LRRC4C: variants seen among roughly 807,000 people sequenced by gnomAD.
LRRC4C encodes leucine rich repeat containing 4C, also known as leucine-rich repeat-containing protein 4C.
Under a neutral mutation model 33.6 loss-of-function variants are expected in LRRC4C, and 5 were observed. The observed-to-expected ratio is 0.15, with a 90% CI of 0.08 to 0.31. The LOEUF (loss-of-function observed/expected upper bound fraction) is 0.31, where lower values mean the gene tolerates loss of function less well. Ranked by LOEUF, LRRC4C falls within the 10% of genes least tolerant of loss-of-function variation. The pLI is 1.00. For synonymous variants in LRRC4C, 329 were observed against 302.0 expected, an observed-to-expected ratio of 1.09 and a Z score of -0.93; for missense variants, 560 against 796.7, an observed-to-expected ratio of 0.70 and a Z score of 3.58.
At chr11:40,562,802 C>T (rs1032198652) in intron 3 of LRRC4C, among the ~76,000 whole-genome samples, 2 of 152,164 alleles carry the variant, frequency 1.3e-5, no homozygotes, top group Non-Finnish European at 2.9e-5. Flanking sequence ...GGTATTAGAA[C>T]CGAACAATTC....
At chr11:40,586,221 C>A (rs530946452) in intron 3 of LRRC4C, among the ~76,000 whole-genome samples, 1 of 152,034 alleles carries the variant, frequency 6.6e-6, no homozygotes. Context: ...TCTCTGATGA[C>A]CAGTGATGAT....
At chr11:40,826,359 A>G (rs1479631185) in intron 2 of LRRC4C, among the ~76,000 whole-genome samples, 1 of 151,954 alleles carries the variant, frequency 6.6e-6, no homozygotes, top group African/African-American at 2.4e-5. Context: ...AAGGATTCCA[A>G]AAAGATTTCA....
chr11:40,341,257 A>AT (rs74426364), intron 3 of LRRC4C, among the ~76,000 whole-genome samples: 6 of 152,022 alleles, frequency 3.9e-5, no homozygotes, highest in East Asian at 1.9e-4. Flanking sequence ...TGAACTCATC[A>AT]TTTTTTTATG....
rs894621080 is a variant in LRRC4C at position 40,867,204 on chromosome 11, T to C, written c.-407+66431A>G. 3.3e-5 allele frequency among the ~76,000 whole-genome samples: 5 copies of C among 152,304 alleles called. No homozygotes were observed. The South Asian group carries it at 8.3e-4, about 25-fold the overall frequency. ...CACCAACACAACCCTGTTTTTGACA[T>C]GTCCTAAGTATTGAATAAATTAGAA... On this transcript the variant is annotated intron_variant, in intron 2 of 6. Coordinates refer to ENST00000528697, the MANE Select transcript of LRRC4C (RefSeq NM_001258419.2).
intron 1 of LRRC4C, among the ~76,000 whole-genome samples, chr11:41,109,147 T>C (rs1271650139): frequency 3.3e-5 from 5 of 152,208 alleles, no homozygotes; most frequent in East Asian, 3.9e-4. Context: ...CCTTTATCCC[T>C]TTCCAATCCC....
chr11:40,380,706 A>G (rs1948830944), intron 3 of LRRC4C, among the ~76,000 whole-genome samples: 2 of 152,356 alleles, frequency 1.3e-5, no homozygotes, highest in East Asian at 1.9e-4. Flanking sequence ...GATTATCACC[A>G]GTGTAAATAT....
At chr11:40,955,254 A>G (rs1394712746) in intron 1 of LRRC4C, among the ~76,000 whole-genome samples, 1 of 151,838 alleles carries the variant, frequency 6.6e-6, no homozygotes, top group Non-Finnish European at 1.5e-5. Flanking sequence ...GTGTACCTAG[A>G]AAATGGTACA....
intron 3 of LRRC4C, among the ~76,000 whole-genome samples, chr11:40,461,261 G>A (rs1952384272): frequency 1.3e-5 from 2 of 152,006 alleles, no homozygotes; most frequent in Admixed American, 1.3e-4. Context: ...AAAGTGTATG[G>A]GCTTTAAACT....
At chr11:40,887,593 T>A (rs1358298219) in intron 2 of LRRC4C, among the ~76,000 whole-genome samples, 2 of 152,186 alleles carry the variant, frequency 1.3e-5, no homozygotes, top group South Asian at 4.1e-4. Context: ...GAGTTGGTTG[T>A]TACCCATAGC....
At chr11:40,838,111 T>A (rs1352252055) in intron 2 of LRRC4C, among the ~76,000 whole-genome samples, 1 of 152,204 alleles carries the variant, frequency 6.6e-6, no homozygotes, top group African/African-American at 2.4e-5. Context: ...ATTTTTAATG[T>A]AACTTTTCTG....
intron 4 of LRRC4C, among the ~76,000 whole-genome samples, chr11:40,313,905 G>A (rs1945450925): frequency 2.0e-5 from 3 of 152,088 alleles, no homozygotes; most frequent in African/African-American, 7.2e-5. Flanking sequence ...GAGCCGCCGC[G>A]CCCGGCCCGT....
intron 5 of LRRC4C, among the ~76,000 whole-genome samples, chr11:40,196,451 C>T (rs772924081): frequency 1.3e-5 from 2 of 152,224 alleles, no homozygotes; most frequent in African/African-American, 4.8e-5. Context: ...CTGCCCATGA[C>T]TTGATTCCCT....
intron 2 of LRRC4C, among the ~76,000 whole-genome samples, chr11:40,672,209 T>C (rs1303511418): frequency 1.3e-5 from 2 of 152,200 alleles, no homozygotes; most frequent in Non-Finnish European, 2.9e-5. Flanking sequence ...GTGTGTTTCA[T>C]AGATGATGCC....
At chr11:40,364,301 A>C (rs1948107833) in intron 3 of LRRC4C, among the ~76,000 whole-genome samples, 1 of 152,160 alleles carries the variant, frequency 6.6e-6, no homozygotes, top group African/African-American at 2.4e-5. Context: ...AAAATTAGGT[A>C]AATGTGTTAA....
At chr11:41,229,066 T>C (rs190174604) in intron 1 of LRRC4C, among the ~76,000 whole-genome samples, 13 of 152,272 alleles carry the variant, frequency 8.5e-5, no homozygotes, top group Admixed American at 8.5e-4. Flanking sequence ...TGAATTTCCA[T>C]TGGGGATTTA....
intron 1 of LRRC4C, among the ~76,000 whole-genome samples, chr11:41,049,178 G>A (rs1475763785): frequency 6.6e-6 from 1 of 152,174 alleles, no homozygotes; most frequent in Non-Finnish European, 1.5e-5. Flanking sequence ...ATAATTGAAA[G>A]GGAGGTGGTT....
intron 1 of LRRC4C, among the ~76,000 whole-genome samples, chr11:41,143,933 T>C (rs780627756): frequency 6.6e-5 from 10 of 152,174 alleles, no homozygotes; most frequent in Admixed American, 2.6e-4. Flanking sequence ...GTCAAAAGAA[T>C]TAGTAAATTG....
chr11:40,510,670 C>T (rs1020802323), intron 3 of LRRC4C, among the ~76,000 whole-genome samples: 89 of 152,212 alleles, frequency 5.8e-4, no homozygotes, highest in African/African-American at 1.9e-3. Context: ...CTCAAATAAG[C>T]CTAAATAGCA....
intron 2 of LRRC4C, among the ~76,000 whole-genome samples, chr11:40,763,785 G>A (rs1439433855): frequency 2.6e-5 from 4 of 152,172 alleles, no homozygotes; most frequent in African/African-American, 7.2e-5. Flanking sequence ...CCAGAGACAA[G>A]TTGTCCATTT....
Sources: gnomAD v4.1 joint callset for allele counts (sites outside exome capture counted in the v4.1 genomes callset) on GRCh38, gnomAD v4.1.1 for gene constraint, MANE v1.5 for transcripts, NCBI Gene and HGNC (gene_info 2026-07-23, HGNC 2026-07-21) for gene names.